Variants in HOMER3 observed in about 807,000 individuals in gnomAD.
The protein encoded by HOMER3 is homer scaffold protein 3, also known as homer protein homolog 3.
In HOMER3, 34 loss-of-function variants were observed where a neutral mutation model predicts 45.5. That is an observed-to-expected ratio of 0.75 (90% CI 0.57 to 1.00). The LOEUF (loss-of-function observed/expected upper bound fraction) is 1.00, where lower values mean the gene tolerates loss of function less well. Among genes scored for constraint, HOMER3 ranks in the 50% least tolerant of loss-of-function variants. The pLI, the probability that HOMER3 is intolerant of heterozygous loss-of-function variation, is 0.00. For missense variants in HOMER3, 480 were observed against 497.5 expected, an observed-to-expected ratio of 0.96 and a Z score of 0.33; for synonymous variants, 223 against 208.8, an observed-to-expected ratio of 1.07 and a Z score of -0.58.
intron 6 of HOMER3, among the ~76,000 whole-genome samples, chr19:18,932,588 C>A (rs1280221190): frequency 6.6e-6 from 1 of 151,652 alleles, no homozygotes; most frequent in African/African-American, 2.4e-5. Context: ...CCCAGTGACA[C>A]TGTGGGAATG....
rs2057070341 is a variant in HOMER3 at position 18,934,425 on chromosome 19, A to G, written c.304-15T>C. The G allele has an allele frequency of 2.6e-6, 4 of 1,520,184 alleles. No homozygotes were observed. Among genetic ancestry groups the G allele is most frequent in the Non-Finnish European group, 3.6e-6 (4 of 1,124,234 alleles). 94.2% of individuals were successfully genotyped at this position (1,520,184 alleles called of 1,614,324 possible). A position where few individuals can be genotyped will look rare whatever the true frequency, so the allele number is the denominator to read the frequency against. On this transcript the variant is annotated splice_polypyrimidine_tract_variant and intron_variant, in intron 4 of 9. Transcript: ENST00000392351. ...TTCTCGGCAAACTAAGGGAGTGGGGAGGAAAAGACAGTAAAACCCCAGCCC... is the reference window on the plus strand; with the variant it reads ...TTCTCGGCAAACTAAGGGAGTGGGGGGGAAAAGACAGTAAAACCCCAGCCC...
chr19:18,931,876 A>T, intron 7 of HOMER3, 100 bp downstream of exon 7: 1 of 1,434,966 alleles, frequency 7.0e-7, no homozygotes, highest in Non-Finnish European at 9.1e-7. Context: ...GAGGTCACAC[A>T]GCTAGTCCAT....
intron 4 of HOMER3, among the ~76,000 whole-genome samples, chr19:18,936,474 T>C (rs909447927): frequency 6.6e-6 from 1 of 151,322 alleles, no homozygotes; most frequent in East Asian, 2.0e-4. Flanking sequence ...CTGTCTCTGC[T>C]AAGAATACAA....
chr19:18,930,028 T>C (rs770601753), intron 9 of HOMER3, among the ~76,000 whole-genome samples: 66 of 151,888 alleles, frequency 4.3e-4, no homozygotes, highest in Non-Finnish European at 9.0e-4. Flanking sequence ...GGCAGGTGGA[T>C]CCCCTGAGGT....
chr19:18,931,220 G>T (rs942418003), intron 9 of HOMER3, 105 bp downstream of exon 9: 1 of 1,020,338 alleles, frequency 9.8e-7, no homozygotes, highest in Non-Finnish European at 1.5e-6. Flanking sequence ...CCTTCCACAG[G>T]ACTGGGCCTC....
intron 1 of HOMER3, 37 bp from the exon 2 acceptor site, chr19:18,939,086 C>G (rs780174230): frequency 3.0e-4 from 370 of 1,226,280 alleles, no homozygotes; most frequent in Non-Finnish European, 3.8e-4. Context: ...GTCCCTCAGG[C>G]CAGGCTGAGG....
chr19:18,939,032 G>A lies in HOMER3; in HGVS notation c.-50C>T. ...CTAGGGGGCAGCCAGAGAGGTGGCA[G>A]GAGCACTGGTTTGGCCCCTAGGGAG... On this transcript the variant is annotated 5_prime_UTR_variant, in exon 2 of 10. Coordinates refer to ENST00000392351, the MANE Select transcript of HOMER3 (RefSeq NM_004838.4). 2.0e-6 allele frequency: 3 copies of A among 1,531,064 alleles called. No homozygotes were observed. In the African/African-American group the frequency reaches 4.1e-5, roughly 21 times the overall value. The allele number at this position is 1,531,064 out of a possible 1,614,324, so 94.8% of individuals were successfully genotyped here.
chr19:18,937,297 C>G (rs1197089639), intron 4 of HOMER3, among the ~76,000 whole-genome samples: 1 of 93,232 alleles, frequency 1.1e-5, no homozygotes, highest in Non-Finnish European at 1.9e-5. Context: ...GACAGCAGAG[C>G]AAGATCTTGT....
chr19:18,936,874 C>T (rs2057099043), intron 4 of HOMER3, among the ~76,000 whole-genome samples: 1 of 151,742 alleles, frequency 6.6e-6, no homozygotes, highest in Non-Finnish European at 1.5e-5. Flanking sequence ...CGCCTGTAGT[C>T]CCAGCTACTA....
intron 4 of HOMER3, among the ~76,000 whole-genome samples, chr19:18,938,127 G>A (rs1342015895): frequency 6.6e-6 from 1 of 152,008 alleles, no homozygotes; most frequent in Non-Finnish European, 1.5e-5. Context: ...GGGAGGCGGA[G>A]GTTGCGTGAG....
intron 4 of HOMER3, among the ~76,000 whole-genome samples, chr19:18,935,715 CTTAGT>C (rs1342228054): frequency 6.6e-6 from 1 of 152,074 alleles, no homozygotes; most frequent in African/African-American, 2.4e-5. Context: ...AATAAATTTC[CTTAGT>C]TTAAAAATAA....
At position 18,938,900 on chromosome 19, in the gene HOMER3, G is replaced by T. The variant is rs761154056; in HGVS notation, c.15-16C>A. The stretch of plus-strand genomic sequence containing the variant: ...TGGCTGCTCCCTGCGTGGGGAGAGG[G>T]TGTTTGGTGGGGGCCAGGCACCCCC... On this transcript the variant is annotated splice_polypyrimidine_tract_variant and intron_variant, in intron 2 of 9. Transcript: ENST00000392351. The T allele has an allele frequency of 1.2e-6, 2 of 1,605,782 alleles. No homozygotes were observed. The highest frequency in any genetic ancestry group is 2.2e-5 in the South Asian group (2 of 89,510).
chr19:18,935,795 G>A (rs957664384), intron 4 of HOMER3, among the ~76,000 whole-genome samples: 8 of 152,212 alleles, frequency 5.3e-5, no homozygotes, highest in South Asian at 2.1e-4. Context: ...CAAGGCGGGC[G>A]GATCATTTGA....
intron 4 of HOMER3, among the ~76,000 whole-genome samples, chr19:18,935,888 TGG>T (rs1388324524): frequency 1.4e-4 from 21 of 148,322 alleles, no homozygotes; most frequent in African/African-American, 5.0e-4. Flanking sequence ...GGCATGGTGG[TGG>T]GCGCCTGTAA....
At chr19:18,932,851 G>A in intron 6 of HOMER3, 73 bp downstream of exon 6, 1 of 1,193,528 alleles carries the variant, frequency 8.4e-7, no homozygotes, top group Non-Finnish European at 1.1e-6. Flanking sequence ...CACTCCCTTG[G>A]CTTCCAAGAA....
At chr19:18,932,261 G>T in intron 6 of HOMER3, 129 bp from the exon 7 acceptor site, 1 of 946,410 alleles carries the variant, frequency 1.1e-6, no homozygotes, top group Non-Finnish European at 1.5e-6. Context: ...GCTGGCGAGG[G>T]TGCGGAGTCG....
chr19:18,930,700 C>T (rs1031984160), intron 9 of HOMER3, among the ~76,000 whole-genome samples: 1 of 151,768 alleles, frequency 6.6e-6, no homozygotes, highest in Non-Finnish European at 1.5e-5. Flanking sequence ...CATGAGGAAA[C>T]CCCATCTCTA....
At chr19:18,939,141 C>T (rs1208047585) in intron 1 of HOMER3, 92 bp from the exon 2 acceptor site, 5 of 666,542 alleles carry the variant, frequency 7.5e-6, no homozygotes, top group South Asian at 4.5e-5. Flanking sequence ...CAGGTGTGCC[C>T]GTCATGGAAC....
chr19:18,938,925 C>T, intron 2 of HOMER3, 41 bp from the exon 3 acceptor site: 1 of 1,608,234 alleles, frequency 6.2e-7, no homozygotes, highest in Admixed American at 1.7e-5. Flanking sequence ...CAGGCACCCC[C>T]ACTTAGAAAG....
Sources: gnomAD v4.1 joint callset for allele counts (sites outside exome capture counted in the v4.1 genomes callset) on GRCh38, gnomAD v4.1.1 for gene constraint, MANE v1.5 for transcripts, NCBI Gene and HGNC (gene_info 2026-07-23, HGNC 2026-07-21) for gene names.